The following ANO6 variants were observed in gnomAD, a reference collection of about 807,000 sequenced individuals.
ANO6 encodes anoctamin 6.
Under a neutral mutation model 117.5 loss-of-function variants are expected in ANO6, and 106 were observed. The ratio of observed to expected loss-of-function variants is 0.90; its 90% CI spans 0.77 to 1.06. The LOEUF (loss-of-function observed/expected upper bound fraction) is 1.06, where lower values mean the gene tolerates loss of function less well. Ranked by LOEUF, ANO6 falls within the 50% of genes least tolerant of loss-of-function variation. The pLI is 0.00. For missense variants in ANO6, 955 were observed against 1,121.1 expected (o/e 0.85, Z 2.12); for synonymous variants, 367 against 385.1 (o/e 0.95, Z 0.55).
chr12:45,238,382 C>T (rs1947682193), intron 1 of ANO6, among the ~76,000 whole-genome samples: 1 of 152,054 alleles, frequency 6.6e-6, no homozygotes. Flanking sequence ...AACTCCCAAC[C>T]TCAGGTGATC....
chr12:45,240,499 T>C (rs1947725417), intron 1 of ANO6, among the ~76,000 whole-genome samples: 1 of 151,796 alleles, frequency 6.6e-6, no homozygotes, highest in Non-Finnish European at 1.5e-5. Flanking sequence ...CTTGGCTCTT[T>C]ATCCAATTTG....
At chr12:45,367,643 C>G (rs780791843) in intron 8 of ANO6, 45 bp from the exon 9 acceptor site, 1 of 1,493,868 alleles carries the variant, frequency 6.7e-7, no homozygotes, top group East Asian at 2.3e-5. Context: ...TTTTATCATG[C>G]TGCTTTAAAT....
intron 9 of ANO6, among the ~76,000 whole-genome samples, chr12:45,371,794 A>C (rs1471489412): frequency 2.6e-5 from 4 of 152,378 alleles, no homozygotes; most frequent in African/African-American, 7.2e-5. Context: ...AACTCTAAAA[A>C]GCAGAACGCC....
chr12:45,296,760 G>C (rs1279476273), intron 1 of ANO6, among the ~76,000 whole-genome samples: 1 of 152,086 alleles, frequency 6.6e-6, no homozygotes, highest in Non-Finnish European at 1.5e-5. Flanking sequence ...CACTTTGCTT[G>C]GTTAACTTCA....
chr12:45,435,964 C>T (rs530475900), downstream of ANO6, among the ~76,000 whole-genome samples: 27 of 152,298 alleles, frequency 1.8e-4, no homozygotes, highest in African/African-American at 6.5e-4. Context: ...CAGCAACCTG[C>T]CCAGGAAACT....
intron 2 of ANO6, among the ~76,000 whole-genome samples, chr12:45,327,703 G>C (rs1296598523): frequency 6.6e-6 from 1 of 152,072 alleles, no homozygotes; most frequent in Non-Finnish European, 1.5e-5. Flanking sequence ...GTCCATCTAA[G>C]CCTGAAAGGA....
intron 1 of ANO6, among the ~76,000 whole-genome samples, chr12:45,225,930 G>T (rs1319685293): frequency 6.6e-6 from 1 of 152,028 alleles, no homozygotes; most frequent in Non-Finnish European, 1.5e-5. Flanking sequence ...TCAACTGATT[G>T]GTAAATCATA....
intron 1 of ANO6, among the ~76,000 whole-genome samples, chr12:45,299,573 C>G (rs1939411386): frequency 6.6e-6 from 1 of 152,152 alleles, no homozygotes; most frequent in African/African-American, 2.4e-5. Context: ...TGAATCCAGG[C>G]CGGAAGCGGT....
intron 12 of ANO6, among the ~76,000 whole-genome samples, chr12:45,400,179 C>T (rs1354103644): frequency 2.0e-5 from 3 of 152,164 alleles, no homozygotes; most frequent in Non-Finnish European, 2.9e-5. Context: ...TATTATACTA[C>T]CTTCCTCACA....
chr12:45,367,820 C>T (rs776823591), intron 9 of ANO6, 27 bp downstream of exon 9: 12 of 1,526,576 alleles, frequency 7.9e-6, no homozygotes, highest in Middle Eastern at 1.7e-4. Context: ...CCAATATTTA[C>T]ACCTAATGAA....
In ANO6 at chr12:45,371,973, G is replaced by T. The variant is rs532077795; in HGVS notation, c.1104+4180G>T. On this transcript the variant is annotated intron_variant, in intron 9 of 19. Transcript: ENST00000320560. ...AGTTGAAAACTTTGAAAAAAGTTTA[G>T]AAGAATGTATAACTAGAATAACCAA... is the stretch of plus-strand genomic sequence containing the variant. Among the ~76,000 whole-genome samples, 551 of 152,094 alleles carry T rather than the reference G, an allele frequency of 3.6e-3. 3 individuals carry two copies. Among genetic ancestry groups the T allele is most frequent in the African/African-American group, 0.012 (518 of 41,530 alleles).
chr12:45,345,246 G>A (rs1375453373), intron 3 of ANO6, among the ~76,000 whole-genome samples: 1 of 152,006 alleles, frequency 6.6e-6, no homozygotes, highest in Non-Finnish European at 1.5e-5. Flanking sequence ...AATACATCAG[G>A]GATTCCACTT....
At chr12:45,288,925 T>A (rs1193702845) in intron 1 of ANO6, among the ~76,000 whole-genome samples, 1 of 151,620 alleles carries the variant, frequency 6.6e-6, no homozygotes, top group Non-Finnish European at 1.5e-5. Flanking sequence ...TTTTTGTATT[T>A]TTTTTTTAGT....
At chr12:45,339,224 G>A (rs1359385913) in intron 3 of ANO6, among the ~76,000 whole-genome samples, 1 of 152,078 alleles carries the variant, frequency 6.6e-6, no homozygotes, top group Non-Finnish European at 1.5e-5. Flanking sequence ...GAAGTCACCT[G>A]GGTTGCTTGT....
intron 12 of ANO6, among the ~76,000 whole-genome samples, chr12:45,400,185 T>C (rs1322994864): frequency 6.6e-6 from 1 of 152,156 alleles, no homozygotes; most frequent in Non-Finnish European, 1.5e-5. Context: ...ACTACCTTCC[T>C]CACAAGCCTG....
At chr12:45,352,809 T>G (rs992997468) in intron 7 of ANO6, among the ~76,000 whole-genome samples, 2 of 152,094 alleles carry the variant, frequency 1.3e-5, no homozygotes, top group African/African-American at 2.4e-5. Context: ...AACTTAATGG[T>G]TTTTTAGTTC....
chr12:45,425,443 A>G (rs2137719520), intron 19 of ANO6, among the ~76,000 whole-genome samples: 1 of 152,346 alleles, frequency 6.6e-6, no homozygotes, highest in Admixed American at 6.5e-5. Flanking sequence ...CACATATTGC[A>G]AGGAAAATGC....
At chr12:45,279,007 T>G (rs1406279209) in intron 1 of ANO6, among the ~76,000 whole-genome samples, 1 of 152,204 alleles carries the variant, frequency 6.6e-6, no homozygotes, top group East Asian at 1.9e-4. Context: ...AGTAATCTTT[T>G]GTGTAATCTG....
At chr12:45,317,698 C>T (rs1940098456) in intron 2 of ANO6, among the ~76,000 whole-genome samples, 1 of 152,182 alleles carries the variant, frequency 6.6e-6, no homozygotes, top group Non-Finnish European at 1.5e-5. Context: ...AATCGCCACA[C>T]TGACTTCCAC....
Sources: allele counts gnomAD v4.1 joint callset (sites outside exome capture counted in the v4.1 genomes callset), GRCh38; gene constraint gnomAD v4.1.1; transcripts MANE v1.5; gene names NCBI Gene and HGNC (gene_info 2026-07-23, HGNC 2026-07-21).